Variants in LAMA5 observed in about 807,000 individuals in gnomAD.
LAMA5 encodes the protein laminin subunit alpha 5.
LAMA5 carries 260 observed loss-of-function variants against 433.4 expected under a neutral mutation model. That is an observed-to-expected ratio of 0.60 (90% confidence interval 0.54 to 0.66). LAMA5 has a LOEUF of 0.66. Ranked by LOEUF, LAMA5 falls within the 30% of genes least tolerant of loss-of-function variation. The probability of loss-of-function intolerance (pLI) is 0.00; values close to 1 mark genes in which losing one functional copy is unlikely to be tolerated. For synonymous variants in LAMA5, 2,620 were observed against 2,226.6 expected (o/e 1.18, Z -4.97); for missense variants, 5,378 against 5,258.5 (o/e 1.02, Z -0.70).
chr20:62,314,742 A>G lies in LAMA5; in HGVS notation c.8197-17T>C, dbSNP rs747073103. The G allele has an allele frequency of 4.3e-6, 7 of 1,612,530 alleles. No individual in the cohort carries two copies. The South Asian group carries it at 7.7e-5, about 18-fold the overall frequency. On this transcript the variant is annotated splice_polypyrimidine_tract_variant and intron_variant, in intron 60 of 79. Coordinates refer to ENST00000252999, the MANE Select transcript of LAMA5 (RefSeq NM_005560.6). Reference sequence around the variant, plus strand: ...CACCTTGACCTGCGGGGCACGGTCCATCAGCGTCCACCACCACCCTCCCTG... The same window carrying G: ...CACCTTGACCTGCGGGGCACGGTCCGTCAGCGTCCACCACCACCCTCCCTG...
Position 62,336,406 on chromosome 20 carries a change from G to A in LAMA5, c.2257C>T (p.Pro753Ser), listed in dbSNP as rs1601367040. 6.2e-7 allele frequency: 1 copy of A among 1,612,596 alleles called. No homozygotes were observed. The highest frequency in any genetic ancestry group is 8.5e-7 in the Non-Finnish European group (1 of 1,179,830). ...CCAGGTTTGCAGCGGTCACAGCTCG[G>A]CCCCTCCACGTGAGCCCGGCACATA... Reference protein sequence around the residue: ...PCMCRAHVEGPSCDRCKPGFW... With the variant: ...PCMCRAHVEGSSCDRCKPGFW... Residue 753 changes from proline (P) to serine (S), a missense_variant, in exon 18 of 80, where the codon CCG becomes TCG. Coordinates refer to ENST00000252999, the MANE Select transcript of LAMA5 (RefSeq NM_005560.6).
intron 51 of LAMA5, among the ~76,000 whole-genome samples, chr20:62,319,397 T>C (rs954803179): frequency 7.9e-5 from 12 of 151,882 alleles, no homozygotes; most frequent in Non-Finnish European, 1.6e-4. Context: ...CTGAGTCCCA[T>C]GTCTCAGTGT....
Position 62,314,589 on chromosome 20 carries a change from T to G in LAMA5, c.8333A>C (p.Glu2778Ala). Residue 2778 changes from glutamate (E) to alanine (A), a missense_variant, in exon 61 of 80, where the codon GAG (glutamate) becomes GCG (alanine). Glu to Ala is a moderately radical substitution (Grantham distance 107, BLOSUM62 -1). Transcript: ENST00000252999. ...GCCCATGTACATCACAAAGCGATCCTCGGTACCCTGCCCAGGCTCAGGCTC... is the reference window on the plus strand; with the variant it reads ...GCCCATGTACATCACAAAGCGATCCGCGGTACCCTGCCCAGGCTCAGGCTC... ...GPEPEPGQGTEDRFVMYMGSR... is the reference protein window; with the variant it reads ...GPEPEPGQGTADRFVMYMGSR... 1.2e-6 allele frequency: 2 copies of G among 1,611,900 alleles called. No individual in the cohort carries two copies. The highest frequency in any genetic ancestry group is 1.7e-6 in the Non-Finnish European group (2 of 1,179,666).
In LAMA5 at chr20:62,336,450, G is replaced by C; in HGVS notation, c.2218-5C>G. ...GCACATACAGGGAACCTGTGCCTGG[G>C]AGAGGACAAGACTGCAGGTCAGAGC... On this transcript the variant is annotated splice_polypyrimidine_tract_variant and splice_region_variant and intron_variant, in intron 17 of 79. Coordinates refer to ENST00000252999, the MANE Select transcript of LAMA5 (RefSeq NM_005560.6). 1 of 1,610,094 alleles carries C rather than the reference G, an allele frequency of 6.2e-7. No individual in the cohort carries two copies. Among genetic ancestry groups the C allele is most frequent in the Non-Finnish European group, 8.5e-7 (1 of 1,177,962 alleles).
rs780078009 is a variant in LAMA5 at position 62,353,163 on chromosome 20, C to T, written c.539G>A (p.Arg180His). Reference sequence around the variant, plus strand: ...AAAGAACTGCCAGGGCTGGTAGGTGCGGCCGAAGTCCATGGACCGCTCCAG... The same window carrying T: ...AAAGAACTGCCAGGGCTGGTAGGTGTGGCCGAAGTCCATGGACCGCTCCAG... ...WVLERSMDFG[R>H]TYQPWQFFAS... Residue 180 changes from arginine to histidine, a missense_variant, in exon 3 of 80, where the codon CGC (arginine) becomes CAC (histidine). By Grantham distance (29) the Arg-to-His change is conservative (BLOSUM62 0). Transcript: ENST00000252999. The T allele has an allele frequency of 6.3e-6, 10 of 1,577,554 alleles. No individual in the cohort carries two copies. The highest frequency in any genetic ancestry group is 1.2e-5 in the South Asian group (1 of 86,180).
chr20:62,331,708 GAC>G (rs1176117411), intron 28 of LAMA5, among the ~76,000 whole-genome samples: 1 of 152,212 alleles, frequency 6.6e-6, no homozygotes, highest in Non-Finnish European at 1.5e-5. Context: ...CTTATCCGCT[GAC>G]ACAACGGTGG....
At position 62,322,292 on chromosome 20, in the gene LAMA5, C is replaced by A. The variant is rs755722504; in HGVS notation, c.6323G>T (p.Gly2108Val). Residue 2108 changes from glycine to valine, a missense_variant, in exon 47 of 80, where the codon GGG (glycine) becomes GTG (valine). Physicochemically the swap from Gly to Val is moderately radical, Grantham distance 109 (BLOSUM62 -3). Transcript: ENST00000252999. The stretch of plus-strand genomic sequence containing the variant: ...ACGCCTGCAGCCCTGCTCAGGGAGC[C>A]CCCAGTAGCCAGGGGCACACTCGCG... ...QCRECAPGYW[G>V]LPEQGCRRCQ... 1 of 1,599,608 alleles carries A rather than the reference C, an allele frequency of 6.3e-7. No individual in the cohort carries two copies. Among genetic ancestry groups the A allele is most frequent in the Non-Finnish European group, 8.5e-7 (1 of 1,175,766 alleles).
rs537008553 is a variant in LAMA5, at chr20:62,337,798, A to C, written c.2026+6T>G. The C allele has an allele frequency of 4.0e-5, 64 of 1,611,950 alleles. 1 individual carries two copies. In the South Asian group the frequency reaches 6.8e-4, roughly 17 times the overall value. On this transcript the variant is annotated splice_donor_region_variant and intron_variant, in intron 15 of 79. Transcript: ENST00000252999. Reference sequence around the variant, plus strand: ...CCTCCCCACCACTTCCTCCCTAGGCACTCACGGACACAGCTGGGGAAGCCG... The same window carrying C: ...CCTCCCCACCACTTCCTCCCTAGGCCCTCACGGACACAGCTGGGGAAGCCG...
Position 62,333,443 on chromosome 20 carries a change from C to T in LAMA5, c.3060G>A (p.Ala1020=), listed in dbSNP as rs373821922. The change falls in exon 25 of 80, where the codon GCG becomes GCA. Residue 1020 remains alanine, a synonymous_variant. Transcript: ENST00000252999. The stretch of plus-strand genomic sequence containing the variant: ...CAGTCACCCGCAGCTGCAGGAGCGC[C>T]GCCTCGTAGTATGCGCTAGGCAGCA... ...VVLLPSAYYE[A]ALLQLRVTEA... is the part of the protein sequence containing the mutation. The T allele has an allele frequency of 6.2e-5, 100 of 1,612,756 alleles. 1 individual carries two copies. The African/African-American group carries it at 7.2e-4, about 12-fold the overall frequency.
chr20:62,310,470 G>A lies in LAMA5; in HGVS notation c.10549C>T (p.Pro3517Ser). The change falls in exon 76 of 80, where the codon CCC becomes TCC. Residue 3517 changes from proline to serine, a missense_variant. Pro to Ser is a moderately conservative substitution (Grantham distance 74). Coordinates refer to ENST00000252999, the MANE Select transcript of LAMA5 (RefSeq NM_005560.6). The stretch of plus-strand genomic sequence containing the variant: ...GGGAAGAACAGGCCCGCCTCCAGGG[G>A]GCCCAAGATGCAGGGTGTGACCCCT... Reference protein sequence around the residue: ...MAGVTPCILGPLEAGLFFPGS... With the variant: ...MAGVTPCILGSLEAGLFFPGS... 2 of 1,597,280 alleles carry A rather than the reference G, an allele frequency of 1.3e-6. No individual in the cohort carries two copies. The highest frequency in any genetic ancestry group is 1.7e-6 in the Non-Finnish European group (2 of 1,173,868).
At chr20:62,321,528 G>C (rs2146114479) in intron 48 of LAMA5, among the ~76,000 whole-genome samples, 1 of 14,622 alleles carries the variant, frequency 6.8e-5, no homozygotes. Flanking sequence ...CAGGGTCAGT[G>C]AAAGGGTGGC....
Position 62,311,922 on chromosome 20 carries a change from C to T in LAMA5, c.9633G>A (p.Thr3211=), listed in dbSNP as rs760388258. The stretch of plus-strand genomic sequence containing the variant: ...GAGGGCCCAGCGGCCAGGCTCACCC[C>T]GTGGCATTGCTGTAGAAGGCGACGT... The part of the protein sequence containing the change: ...PHYVAFYSNA[T]GVWLYVDDQL... The change falls in exon 70 of 80, where the codon ACG becomes ACA. Residue 3211 remains threonine (T), a splice_region_variant and synonymous_variant. Coordinates refer to ENST00000252999, the MANE Select transcript of LAMA5 (RefSeq NM_005560.6). 24 of 1,609,834 alleles carry T rather than the reference C, an allele frequency of 1.5e-5. No homozygotes were observed. The East Asian group carries it at 1.6e-4, about 10-fold the overall frequency.
intron 11 of LAMA5, among the ~76,000 whole-genome samples, chr20:62,340,352 C>T (rs144994186): frequency 0.015 from 1,585 of 102,662 alleles, 40 homozygotes; most frequent in African/African-American, 0.046. Flanking sequence ...GTTCTTGTTG[C>T]CCAGGCTGGA....
chr20:62,319,518 G>A lies in LAMA5; in HGVS notation c.6871+166C>T, dbSNP rs374333097. Among the ~76,000 whole-genome samples, 86 of 152,216 alleles carry A rather than the reference G, an allele frequency of 5.6e-4. 1 individual carries two copies. The South Asian group carries it at 0.011, about 19-fold the overall frequency. On this transcript the variant is annotated intron_variant, in intron 51 of 79. Transcript: ENST00000252999. ...ACCTGTCTGGCCACACGGCTGTGTC[G>A]CCGACCTCCTGACCCTGCCCTACTG...
chr20:62,316,330 C>T (rs1986927205), intron 57 of LAMA5: 1 of 559,532 alleles, frequency 1.8e-6, no homozygotes, highest in Admixed American at 3.2e-5. Flanking sequence ...GCCCTCTGGT[C>T]CTAGCAGCTC....
chr20:62,334,093 C>A, intron 22 of LAMA5, 54 bp from the exon 23 acceptor site: 1 of 1,590,840 alleles, frequency 6.3e-7, no homozygotes, highest in Non-Finnish European at 8.6e-7. Context: ...CAGCCTGAGG[C>A]CTGGGCCTTC....
At chr20:62,355,032 C>G (rs1193378486) in intron 2 of LAMA5, among the ~76,000 whole-genome samples, 2 of 152,238 alleles carry the variant, frequency 1.3e-5, no homozygotes, top group Non-Finnish European at 2.9e-5. Context: ...CACACCTCCC[C>G]TGACGGGCCC....
Position 62,324,687 on chromosome 20 carries a change from T to A in LAMA5, c.5530-133A>T. On this transcript the variant is annotated intron_variant, in intron 41 of 79. Coordinates refer to ENST00000252999, the MANE Select transcript of LAMA5 (RefSeq NM_005560.6). This position sits in a 1 kb window ranked among gnomAD's most constrained non-coding sequence, Gnocchi z 4.4. ...GGAACCCGTGGAGCATGGTCACCGCTGGGTCAGAGGCTGGTCAGGAACTCC... is the reference window on the plus strand; with the variant it reads ...GGAACCCGTGGAGCATGGTCACCGCAGGGTCAGAGGCTGGTCAGGAACTCC... 1 of 657,598 alleles carries A rather than the reference T, an allele frequency of 1.5e-6. No homozygotes were observed. Among genetic ancestry groups the A allele is most frequent in the South Asian group, 1.8e-5 (1 of 56,682 alleles). The allele number at this position is 657,598 out of a possible 1,614,324, so 40.7% of individuals were successfully genotyped here. A position where few individuals can be genotyped will look rare whatever the true frequency, so the allele number is the denominator to read the frequency against.
At chr20:62,336,666 G>C in intron 17 of LAMA5, 68 bp downstream of exon 17, 1 of 1,560,458 alleles carries the variant, frequency 6.4e-7, no homozygotes, top group Non-Finnish European at 8.8e-7. Context: ...TGGTCTCACC[G>C]GACTCGGGAC....
Sources: gnomAD v4.1 joint callset for allele counts (sites outside exome capture counted in the v4.1 genomes callset) on GRCh38, gnomAD v4.1.1 for gene constraint, Gnocchi (gnomAD v3.1) non-coding constraint, MANE v1.5 for transcripts, NCBI Gene and HGNC (gene_info 2026-07-23, HGNC 2026-07-21) for gene names.